Variants in ZSCAN5A observed in about 807,000 individuals in gnomAD.
ZSCAN5A encodes the protein zinc finger and SCAN domain-containing protein 5A.
A neutral mutation model predicts 23.7 loss-of-function variants in ZSCAN5A; 12 were observed. The ratio of observed to expected loss-of-function variants is 0.51; its 90% confidence interval spans 0.32 to 0.82. The LOEUF (loss-of-function observed/expected upper bound fraction) is 0.82, where lower values mean the gene tolerates loss of function less well. Ranked by LOEUF, ZSCAN5A falls within the 40% of genes least tolerant of loss-of-function variation. The probability of loss-of-function intolerance (pLI) is 0.03; values close to 1 mark genes in which losing one functional copy is unlikely to be tolerated. For missense variants in ZSCAN5A, 597 were observed against 617.9 expected (o/e 0.97, Z 0.36); for synonymous variants, 257 against 239.9 (o/e 1.07, Z -0.66).
intron 2 of ZSCAN5A, among the ~76,000 whole-genome samples, chr19:56,240,036 C>T (rs975603628): frequency 5.9e-5 from 9 of 152,064 alleles, no homozygotes; most frequent in African/African-American, 2.2e-4. Context: ...GTGGCGGGCA[C>T]CTGTAATCCC....
intron 2 of ZSCAN5A, chr19:56,282,903 T>C (rs2038819672): frequency 6.6e-6 from 1 of 152,232 alleles, no homozygotes; most frequent in South Asian, 2.1e-4. Context: ...TTCCTAGAGA[T>C]AGCAATCTGG....
At chr19:56,237,116 T>C (rs961442086) in intron 2 of ZSCAN5A, among the ~76,000 whole-genome samples, 3 of 152,262 alleles carry the variant, frequency 2.0e-5, no homozygotes, top group African/African-American at 7.2e-5. Context: ...GGAGCCCCGC[T>C]CCCAGTCTGT....
At chr19:56,358,312 G>A (rs2147466251) in intron 2 of ZSCAN5A, among the ~76,000 whole-genome samples, 1 of 148,186 alleles carries the variant, frequency 6.7e-6, no homozygotes, top group South Asian at 2.2e-4. Context: ...GTAGAGGCAG[G>A]GTTTCACCAC....
intron 2 of ZSCAN5A, among the ~76,000 whole-genome samples, chr19:56,245,807 A>G (rs2035841109): frequency 1.3e-5 from 2 of 152,170 alleles, no homozygotes; most frequent in Admixed American, 1.3e-4. Flanking sequence ...GTGTTTCTCA[A>G]CTGGGGTGAT....
chr19:56,233,757 TG>T (rs2034659761), intron 2 of ZSCAN5A, among the ~76,000 whole-genome samples: 1 of 151,964 alleles, frequency 6.6e-6, no homozygotes, highest in Non-Finnish European at 1.5e-5. Flanking sequence ...AGACACTTCC[TG>T]GCACCCCACA....
At chr19:56,324,882 T>G (rs1348518875) in intron 2 of ZSCAN5A, among the ~76,000 whole-genome samples, 1 of 152,232 alleles carries the variant, frequency 6.6e-6, no homozygotes, top group Non-Finnish European at 1.5e-5. Flanking sequence ...ACATTAGTTA[T>G]TGAAAAACAA....
At chr19:56,258,948 C>A (rs891867368) in intron 2 of ZSCAN5A, among the ~76,000 whole-genome samples, 1 of 152,152 alleles carries the variant, frequency 6.6e-6, no homozygotes, top group East Asian at 1.9e-4. Flanking sequence ...TAGCCCACGA[C>A]ACACGGAGAG....
rs140796171 is a variant in ZSCAN5A, at chr19:56,342,856, C to G, written c.-358+20379G>C. ...TCCTCTCAAAAGCACCCCCTGGAATCCTGGATATCATTGCACAGTACCCAC... is the reference window on the plus strand; with the variant it reads ...TCCTCTCAAAAGCACCCCCTGGAATGCTGGATATCATTGCACAGTACCCAC... On this transcript the variant is annotated intron_variant, in intron 2 of 6. Coordinates refer to the ZSCAN5A transcript ENST00000587340. 1.5e-5 allele frequency: 14 copies of G among 942,206 alleles called. No homozygotes were observed. The East Asian group carries it at 3.3e-4, about 23-fold the overall frequency. The allele number at this position is 942,206 out of a possible 1,614,324, so 58.4% of individuals were successfully genotyped here.
At chr19:56,346,083 G>T (rs558687545) in intron 2 of ZSCAN5A, among the ~76,000 whole-genome samples, 5 of 150,754 alleles carry the variant, frequency 3.3e-5, no homozygotes, top group African/African-American at 1.2e-4. Flanking sequence ...AGAGAAAGGA[G>T]AGACAGCAGA....
intron 2 of ZSCAN5A, among the ~76,000 whole-genome samples, chr19:56,275,891 G>A (rs903744953): frequency 2.0e-5 from 3 of 152,232 alleles, no homozygotes; most frequent in Non-Finnish European, 2.9e-5. Flanking sequence ...GATGATGAAC[G>A]AATGGACTTA....
intron 2 of ZSCAN5A, among the ~76,000 whole-genome samples, chr19:56,249,556 G>A (rs960746487): frequency 2.8e-4 from 42 of 152,218 alleles, no homozygotes; most frequent in African/African-American, 7.2e-4. Context: ...ACATGAGCAC[G>A]AGCCGCCATA....
intron 2 of ZSCAN5A, among the ~76,000 whole-genome samples, chr19:56,292,101 C>T (rs2039550426): frequency 6.6e-6 from 1 of 152,168 alleles, no homozygotes; most frequent in African/African-American, 2.4e-5. Context: ...GCTGCTTAAC[C>T]ACGGTGCTGT....
intron 2 of ZSCAN5A, among the ~76,000 whole-genome samples, chr19:56,225,813 C>T (rs1314769025): frequency 6.6e-6 from 1 of 152,134 alleles, no homozygotes; most frequent in Admixed American, 6.5e-5. Flanking sequence ...ATTATCTCAT[C>T]AACCCAAAAG....
chr19:56,284,911 AC>A (rs2038991543), intron 2 of ZSCAN5A: 2 of 605,322 alleles, frequency 3.3e-6, no homozygotes, highest in South Asian at 1.5e-4. Flanking sequence ...AGAGTTTGTT[AC>A]ATCTGTTGAA....
chr19:56,361,033 C>G (rs1326300766), intron 2 of ZSCAN5A, among the ~76,000 whole-genome samples: 2 of 151,898 alleles, frequency 1.3e-5, no homozygotes, highest in East Asian at 4.1e-4. Flanking sequence ...AGGACATGAA[C>G]AGACACTTCT....
At chr19:56,342,844 A>G in intron 2 of ZSCAN5A, 1 of 886,124 alleles carries the variant, frequency 1.1e-6, no homozygotes, top group South Asian at 1.3e-5. Flanking sequence ...TCTCAAAAGC[A>G]CCCCCTGGAA....
At chr19:56,222,431 C>G in intron 5 of ZSCAN5A, 105 bp from the exon 6 acceptor site, 2 of 1,565,096 alleles carry the variant, frequency 1.3e-6, no homozygotes, top group South Asian at 2.5e-5. Context: ...CGCTCAAGCT[C>G]AAGCCTAAGA....
intron 2 of ZSCAN5A, chr19:56,266,446 G>A (rs1308919529): frequency 6.7e-6 from 1 of 148,822 alleles, no homozygotes; most frequent in Non-Finnish European, 1.5e-5. Context: ...TCTCCCCAAA[G>A]AAGTGAGTAG....
chr19:56,254,534 G>A (rs1050171491), intron 2 of ZSCAN5A, among the ~76,000 whole-genome samples: 2 of 152,084 alleles, frequency 1.3e-5, no homozygotes, highest in African/African-American at 4.8e-5. Flanking sequence ...TCCTACTTCT[G>A]AGCTATTGTG....
Sources: gnomAD v4.1 joint callset for allele counts (sites outside exome capture counted in the v4.1 genomes callset) on GRCh38, gnomAD v4.1.1 for gene constraint, MANE v1.5 for transcripts, NCBI Gene and HGNC (gene_info 2026-07-23, HGNC 2026-07-21) for gene names.